RBMS3: variants seen among roughly 807,000 people sequenced by gnomAD.
RBMS3 encodes RNA binding motif single stranded interacting protein 3.
In RBMS3, 27 loss-of-function variants were observed where a neutral mutation model predicts 66.8. The ratio of observed to expected loss-of-function variants is 0.40; its 90% CI spans 0.30 to 0.56. RBMS3 has a LOEUF of 0.56. RBMS3 is among the 20% of genes least tolerant of loss of function. RBMS3 has a pLI of 0.40. For synonymous variants in RBMS3, 188 were observed against 183.0 expected (o/e 1.03, Z -0.22); for missense variants, 513 against 549.5 (o/e 0.93, Z 0.66).
intron 6 of RBMS3, among the ~76,000 whole-genome samples, chr3:29,793,628 C>T (rs2057086164): frequency 6.6e-6 from 1 of 152,198 alleles, no homozygotes; most frequent in Non-Finnish European, 1.5e-5. Context: ...TGGCCAACTC[C>T]AACTCTCTTT....
At chr3:29,505,764 G>T (rs547995014) in intron 3 of RBMS3, among the ~76,000 whole-genome samples, 2 of 150,628 alleles carry the variant, frequency 1.3e-5, no homozygotes, top group Admixed American at 6.6e-5. Context: ...ATCAATTTTG[G>T]ATCTTTTTTT....
chr3:29,703,065 C>G (rs1012754885), intron 4 of RBMS3, among the ~76,000 whole-genome samples: 1 of 152,192 alleles, frequency 6.6e-6, no homozygotes, highest in Non-Finnish European at 1.5e-5. Context: ...TGAGCTATTT[C>G]AAATATTACT....
intron 8 of RBMS3, among the ~76,000 whole-genome samples, chr3:29,884,477 C>CT (rs2059821801): frequency 8.5e-6 from 1 of 117,876 alleles, no homozygotes; most frequent in East Asian, 2.6e-4. Flanking sequence ...TCTCCCCCCC[C>CT]GCTCCCTCCC....
intron 6 of RBMS3, among the ~76,000 whole-genome samples, chr3:29,808,128 A>G (rs935657630): frequency 6.6e-6 from 1 of 151,892 alleles, no homozygotes; most frequent in African/African-American, 2.4e-5. Context: ...CCATTCAGTT[A>G]TCACCATGCT....
intron 6 of RBMS3, among the ~76,000 whole-genome samples, chr3:29,764,875 T>C (rs1030916831): frequency 3.3e-5 from 5 of 152,000 alleles, no homozygotes; most frequent in Non-Finnish European, 7.4e-5. Context: ...AGGAACTTGG[T>C]TATGAGTTTT....
chr3:29,989,391 C>CTCCTGATGCACAGGTGCATTA (rs1404512289), intron 13 of RBMS3, among the ~76,000 whole-genome samples: 1 of 152,160 alleles, frequency 6.6e-6, no homozygotes, highest in Non-Finnish European at 1.5e-5. Flanking sequence ...TCTTTCCCCT[C>CTCCTGATGCACAGGTGCATTA]TCCTGATGCA....
chr3:29,581,094 A>G (rs2149083858), intron 3 of RBMS3, among the ~76,000 whole-genome samples: 1 of 152,286 alleles, frequency 6.6e-6, no homozygotes, highest in Middle Eastern at 3.4e-3. Flanking sequence ...TTCAGCAGGA[A>G]CTATCTTTTG....
chr3:29,967,606 T>C (rs1696938703), intron 12 of RBMS3, among the ~76,000 whole-genome samples: 1 of 152,140 alleles, frequency 6.6e-6, no homozygotes, highest in Non-Finnish European at 1.5e-5. Flanking sequence ...GGACTTTTTG[T>C]TGTTGTTGGT....
At chr3:29,382,433 T>G (rs1254343981) in intron 1 of RBMS3, among the ~76,000 whole-genome samples, 1 of 152,212 alleles carries the variant, frequency 6.6e-6, no homozygotes, top group Non-Finnish European at 1.5e-5. Flanking sequence ...GCTTACTACT[T>G]CCTGCCTCTT....
chr3:29,676,170 C>CA (rs892503695), intron 4 of RBMS3, among the ~76,000 whole-genome samples: 1 of 152,088 alleles, frequency 6.6e-6, no homozygotes, highest in African/African-American at 2.4e-5. Context: ...CAAACTATTG[C>CA]AAGGACAGAA....
chr3:29,706,926 G>A (rs1196028984), intron 4 of RBMS3, among the ~76,000 whole-genome samples: 1 of 152,118 alleles, frequency 6.6e-6, no homozygotes, highest in Admixed American at 6.5e-5. Flanking sequence ...TTTAAAAGAT[G>A]GTTTGCTACT....
chr3:29,409,302 G>T (rs1202714014), intron 1 of RBMS3, among the ~76,000 whole-genome samples: 1 of 150,834 alleles, frequency 6.6e-6, no homozygotes, highest in African/African-American at 2.5e-5. Context: ...GGACACCTCA[G>T]TTGCGGCACC....
chr3:29,522,435 C>G (rs910867643), intron 3 of RBMS3, among the ~76,000 whole-genome samples: 1 of 152,092 alleles, frequency 6.6e-6, no homozygotes, highest in Non-Finnish European at 1.5e-5. Flanking sequence ...CTCAGGTGAT[C>G]GGCCCGCCTT....
intron 4 of RBMS3, among the ~76,000 whole-genome samples, chr3:29,706,678 C>T (rs12638297): frequency 0.12 from 17,806 of 152,160 alleles, 1,222 homozygotes; most frequent in East Asian, 0.16. Flanking sequence ...GGGATAAAGC[C>T]GTGAATGAAA....
intron 4 of RBMS3, among the ~76,000 whole-genome samples, chr3:29,621,472 T>C (rs76503576): frequency 0.014 from 2,145 of 152,270 alleles, 36 homozygotes; most frequent in African/African-American, 0.041. Context: ...AGATTATTTG[T>C]AGTTGTCTCT....
Position 29,834,108 on chromosome 3 carries a change from G to A in RBMS3, c.638-34750G>A, listed in dbSNP as rs944304689. Among the ~76,000 whole-genome samples, 14 of 152,092 alleles carry A rather than the reference G, an allele frequency of 9.2e-5. No homozygotes were observed. In the East Asian group the frequency reaches 2.5e-3, roughly 27 times the overall value. On this transcript the variant is annotated intron_variant, in intron 6 of 14. Coordinates refer to ENST00000383767, the MANE Select transcript of RBMS3 (RefSeq NM_001003793.3). ...CTGGCAAAGCTGTCCTTCAGAAATC[G>A]AGAGATAAAGACTTTCCCAGACAAG...
At chr3:29,878,024 G>T (rs2059650439) in intron 7 of RBMS3, among the ~76,000 whole-genome samples, 1 of 152,074 alleles carries the variant, frequency 6.6e-6, no homozygotes, top group South Asian at 2.1e-4. Context: ...AGGGGTGTTG[G>T]GGAGGGGGTT....
intron 1 of RBMS3, among the ~76,000 whole-genome samples, chr3:29,357,916 ATTTG>A (rs1024537475): frequency 1.3e-5 from 2 of 151,768 alleles, no homozygotes; most frequent in African/African-American, 4.8e-5. Flanking sequence ...TTTCTTGTAA[ATTTG>A]TTTGAGTTAT....
chr3:29,444,809 T>TTTTTTTTTTTC (rs2041764257), intron 2 of RBMS3, among the ~76,000 whole-genome samples: 2 of 140,162 alleles, frequency 1.4e-5, no homozygotes, highest in Admixed American at 7.1e-5. Flanking sequence ...TTTTTTTTTT[T>TTTTTTTTTTTC]TTTGCTCCAT....
Sources: gnomAD v4.1 joint callset for allele counts (sites outside exome capture counted in the v4.1 genomes callset) on GRCh38, gnomAD v4.1.1 for gene constraint, MANE v1.5 for transcripts, NCBI Gene and HGNC (gene_info 2026-07-23, HGNC 2026-07-21) for gene names.